Variants in SLC35F3 observed in about 807,000 individuals in gnomAD.
SLC35F3 encodes solute carrier family 35 member F3, also known as putative thiamine transporter SLC35F3.
In SLC35F3, 25 loss-of-function variants were observed where a neutral mutation model predicts 49.9. The ratio of observed to expected loss-of-function variants is 0.50; its 90% CI spans 0.37 to 0.70. SLC35F3 has a LOEUF of 0.70. Ranked by LOEUF, SLC35F3 falls within the 30% of genes least tolerant of loss-of-function variation. The pLI is 0.00. For missense variants in SLC35F3, 525 were observed against 639.8 expected (o/e 0.82, Z 1.94); for synonymous variants, 275 against 265.4 (o/e 1.04, Z -0.35).
chr1:234,231,414 C>A lies in SLC35F3; in HGVS notation c.284-3C>A. Reference sequence around the variant, plus strand: ...CCGCTAACCACGCCCTTCTCTTCCCCAGGGGAGGAGCGCCCCCGGGACTCC... The same window carrying A: ...CCGCTAACCACGCCCTTCTCTTCCCAAGGGGAGGAGCGCCCCCGGGACTCC... On this transcript the variant is annotated splice_polypyrimidine_tract_variant and splice_region_variant and intron_variant, in intron 2 of 7. Coordinates refer to ENST00000366618, the MANE Select transcript of SLC35F3 (RefSeq NM_173508.4). This position sits in a 1 kb window ranked among gnomAD's most constrained non-coding sequence, Gnocchi z 5.4. 1 of 1,540,484 alleles carries A rather than the reference C, an allele frequency of 6.5e-7. No homozygotes were observed.
chr1:234,058,472 G>A (rs773144852), intron 2 of SLC35F3, among the ~76,000 whole-genome samples: 1 of 150,946 alleles, frequency 6.6e-6, no homozygotes, highest in Non-Finnish European at 1.5e-5. Flanking sequence ...AGCTTCCTGA[G>A]TAGCTGAGAC....
intron 2 of SLC35F3, among the ~76,000 whole-genome samples, chr1:234,020,886 T>C (rs1663883895): frequency 6.6e-6 from 1 of 152,202 alleles, no homozygotes; most frequent in Admixed American, 6.5e-5. Flanking sequence ...TCTTTAAAGA[T>C]ACTATTTAGC....
chr1:234,269,589 A>G (rs1668065529), intron 3 of SLC35F3, among the ~76,000 whole-genome samples: 1 of 151,492 alleles, frequency 6.6e-6, no homozygotes, highest in South Asian at 2.1e-4. Context: ...CTATATTTCT[A>G]AGTGCCATAG....
intron 2 of SLC35F3, among the ~76,000 whole-genome samples, chr1:233,995,728 A>C (rs537529111): frequency 6.6e-6 from 1 of 152,286 alleles, no homozygotes; most frequent in Admixed American, 6.5e-5. Context: ...CATGGCATGC[A>C]TCTGGGCACC....
At chr1:234,096,799 A>T (rs1217152066) in intron 2 of SLC35F3, among the ~76,000 whole-genome samples, 2 of 152,170 alleles carry the variant, frequency 1.3e-5, no homozygotes, top group Non-Finnish European at 2.9e-5. Context: ...CTAATATTGC[A>T]GTGATAGAAA....
At chr1:234,066,969 A>G (rs1664631382) in intron 2 of SLC35F3, among the ~76,000 whole-genome samples, 1 of 152,162 alleles carries the variant, frequency 6.6e-6, no homozygotes. Context: ...TCATTTGCGT[A>G]TGAATAAAGC....
At chr1:233,981,592 G>A (rs1172232636) in intron 2 of SLC35F3, among the ~76,000 whole-genome samples, 1 of 151,924 alleles carries the variant, frequency 6.6e-6, no homozygotes, top group Non-Finnish European at 1.5e-5. Flanking sequence ...TTAAGTGTTT[G>A]GCTGGTATGA....
intron 3 of SLC35F3, chr1:234,285,041 A>G (rs11586797): frequency 0.19 from 35,664 of 183,834 alleles, 3,641 homozygotes; most frequent in African/African-American, 0.23. Flanking sequence ...GAAGAGATGC[A>G]GTTAATTGTA....
chr1:233,970,364 T>C (rs1662972664), intron 2 of SLC35F3, among the ~76,000 whole-genome samples: 1 of 152,234 alleles, frequency 6.6e-6, no homozygotes. Context: ...GGATCAGACC[T>C]CGAGTCTCAC....
chr1:234,162,410 A>G (rs1295047943), intron 2 of SLC35F3, among the ~76,000 whole-genome samples: 1 of 105,918 alleles, frequency 9.4e-6, no homozygotes, highest in Non-Finnish European at 2.0e-5. Flanking sequence ...AAAAAAAAAA[A>G]GCAATCTTTA....
chr1:233,964,667 T>G (rs943165433), intron 2 of SLC35F3, among the ~76,000 whole-genome samples: 4 of 152,318 alleles, frequency 2.6e-5, no homozygotes, highest in Non-Finnish European at 4.4e-5. Context: ...CAGTTGTTAG[T>G]GGATGAGCTA....
chr1:234,297,159 T>C (rs1278810952), intron 3 of SLC35F3, among the ~76,000 whole-genome samples: 1 of 152,170 alleles, frequency 6.6e-6, no homozygotes, highest in Non-Finnish European at 1.5e-5. Flanking sequence ...CAACAAGTGT[T>C]AGTGATAATA....
intron 2 of SLC35F3, among the ~76,000 whole-genome samples, chr1:234,195,104 A>G (rs936660408): frequency 7.9e-5 from 12 of 152,160 alleles, no homozygotes; most frequent in African/African-American, 2.9e-4. Context: ...AACCAGTTGC[A>G]CCCGGGAAGC....
chr1:233,983,015 G>A (rs1663210163), intron 2 of SLC35F3, among the ~76,000 whole-genome samples: 1 of 152,152 alleles, frequency 6.6e-6, no homozygotes, highest in African/African-American at 2.4e-5. Flanking sequence ...TGTGCCAGGG[G>A]CAGGTAGGAG....
chr1:234,100,219 C>T (rs899257268), intron 2 of SLC35F3, among the ~76,000 whole-genome samples: 1 of 152,144 alleles, frequency 6.6e-6, no homozygotes, highest in African/African-American at 2.4e-5. Flanking sequence ...TTCTCCAATC[C>T]TACCTTTGAG....
chr1:234,296,690 G>A (rs1011726858), intron 3 of SLC35F3, among the ~76,000 whole-genome samples: 1 of 152,170 alleles, frequency 6.6e-6, no homozygotes, highest in African/African-American at 2.4e-5. Context: ...GCACACTCTC[G>A]GCACTTCTCA....
intron 2 of SLC35F3, among the ~76,000 whole-genome samples, chr1:233,983,073 T>G (rs1477480597): frequency 6.6e-6 from 1 of 152,170 alleles, no homozygotes; most frequent in African/African-American, 2.4e-5. Flanking sequence ...CCCCCTGCTC[T>G]TACTAGAAGC....
chr1:234,134,066 T>C (rs1426196620), intron 2 of SLC35F3, among the ~76,000 whole-genome samples: 1 of 152,166 alleles, frequency 6.6e-6, no homozygotes, highest in Non-Finnish European at 1.5e-5. Flanking sequence ...GCAAGATAAG[T>C]TGGCTTTTTC....
chr1:234,270,748 A>C (rs921880083), intron 3 of SLC35F3, among the ~76,000 whole-genome samples: 5 of 152,226 alleles, frequency 3.3e-5, no homozygotes, highest in Admixed American at 2.6e-4. Flanking sequence ...TGATTGTTTC[A>C]GGCATCACTC....
Sources: gnomAD v4.1 joint callset for allele counts (sites outside exome capture counted in the v4.1 genomes callset) on GRCh38, gnomAD v4.1.1 for gene constraint, Gnocchi (gnomAD v3.1) non-coding constraint, MANE v1.5 for transcripts, NCBI Gene and HGNC (gene_info 2026-07-23, HGNC 2026-07-21) for gene names.